Variants in FAM168B observed in about 807,000 individuals in gnomAD.
The protein encoded by FAM168B is family with sequence similarity 168 member B.
In FAM168B, 19 loss-of-function variants were observed where a neutral mutation model predicts 21.8. The ratio of observed to expected loss-of-function variants is 0.87; its 90% CI spans 0.61 to 1.28. FAM168B has a LOEUF of 1.28. FAM168B is among the 50% of genes most tolerant of loss of function. The pLI is 0.00. For synonymous variants in FAM168B, 126 were observed against 104.8 expected, an observed-to-expected ratio of 1.20 and a Z score of -1.24; for missense variants, 233 against 263.1, an observed-to-expected ratio of 0.89 and a Z score of 0.79.
intron 1 of FAM168B, among the ~76,000 whole-genome samples, chr2:131,084,498 C>T (rs1573817557): frequency 6.6e-6 from 1 of 152,076 alleles, no homozygotes; most frequent in East Asian, 1.9e-4. Context: ...CCATGCCACT[C>T]TAGTTTCCTG....
intron 3 of FAM168B, among the ~76,000 whole-genome samples, chr2:131,066,981 G>A (rs1692594457): frequency 6.6e-6 from 1 of 152,202 alleles, no homozygotes; most frequent in African/African-American, 2.4e-5. Flanking sequence ...GGCAAAGGAA[G>A]AGCAAACGTG....
chr2:131,085,755 T>C (rs1048642988), intron 1 of FAM168B, among the ~76,000 whole-genome samples: 10 of 152,172 alleles, frequency 6.6e-5, no homozygotes, highest in Admixed American at 3.3e-4. Context: ...GCCAGATTTG[T>C]CATGCCATTC....
chr2:131,086,012 A>C (rs1172246236), intron 1 of FAM168B, among the ~76,000 whole-genome samples: 1 of 152,190 alleles, frequency 6.6e-6, no homozygotes, highest in African/African-American at 2.4e-5. Context: ...AGTTCAGAGT[A>C]GGGAGGAAAC....
At chr2:131,072,283 C>G (rs895739939) in intron 2 of FAM168B, among the ~76,000 whole-genome samples, 7 of 151,544 alleles carry the variant, frequency 4.6e-5, no homozygotes, top group African/African-American at 1.7e-4. Flanking sequence ...GTCACCACAC[C>G]TGGCTAATTT....
intron 2 of FAM168B, among the ~76,000 whole-genome samples, chr2:131,073,009 A>G (rs1692950365): frequency 1.3e-5 from 2 of 152,158 alleles, no homozygotes; most frequent in South Asian, 2.1e-4. Context: ...CCTACATTAC[A>G]TATTTTGACT....
At chr2:131,059,107 A>AAG (rs2105475239) in intron 3 of FAM168B, among the ~76,000 whole-genome samples, 1 of 152,306 alleles carries the variant, frequency 6.6e-6, no homozygotes, top group East Asian at 1.9e-4. Context: ...GGGGCATTGT[A>AAG]CCAACACAGA....
At chr2:131,057,297 G>A (rs536624573) in intron 3 of FAM168B, among the ~76,000 whole-genome samples, 3 of 152,158 alleles carry the variant, frequency 2.0e-5, no homozygotes, top group Non-Finnish European at 4.4e-5. Context: ...ATCAACTGGA[G>A]AAAGGATAAA....
In FAM168B at chr2:131,049,849, A is replaced by G; in HGVS notation, c.*2616T>C. 2 of 985,824 alleles carry G rather than the reference A, an allele frequency of 2.0e-6. No homozygotes were observed. The highest frequency in any genetic ancestry group is 2.4e-6 in the Non-Finnish European group (2 of 829,928). 61.1% of individuals were successfully genotyped at this position (985,824 alleles called of 1,614,324 possible). On this transcript the variant is annotated 3_prime_UTR_variant, in exon 7 of 7. Coordinates refer to ENST00000389915, the MANE Select transcript of FAM168B (RefSeq NM_001009993.4). ...AAGCTTTGTAACAGAATTTTGACCC[A>G]AGTTCTATTTCTTAATTGACTTTAA...
intron 1 of FAM168B, among the ~76,000 whole-genome samples, chr2:131,088,575 G>A (rs1359788019): frequency 6.6e-6 from 1 of 152,166 alleles, no homozygotes; most frequent in Non-Finnish European, 1.5e-5. Flanking sequence ...CTGGGTATCA[G>A]CTGGTATGAA....
intron 3 of FAM168B, among the ~76,000 whole-genome samples, chr2:131,062,646 CTA>C (rs1692362260): frequency 6.6e-6 from 1 of 152,164 alleles, no homozygotes; most frequent in African/African-American, 2.4e-5. Context: ...CTGGATTCAC[CTA>C]TGTTGGCCAG....
intron 2 of FAM168B, among the ~76,000 whole-genome samples, chr2:131,077,957 A>G (rs1693243291): frequency 1.3e-5 from 2 of 152,216 alleles, no homozygotes; most frequent in South Asian, 4.1e-4. Context: ...GCGCTCCAGA[A>G]TAAGGGCAGA....
intron 2 of FAM168B, among the ~76,000 whole-genome samples, chr2:131,080,063 G>C (rs1024118818): frequency 7.2e-5 from 11 of 151,810 alleles, no homozygotes. Flanking sequence ...GTTGCAGTGA[G>C]CCAAGATCAC....
chr2:131,052,933 G>T lies in FAM168B; in HGVS notation c.558C>A (p.Pro186=), dbSNP rs1330840420. The T allele has an allele frequency of 2.6e-6, 4 of 1,562,940 alleles. No homozygotes were observed. Among genetic ancestry groups the T allele is most frequent in the Non-Finnish European group, 8.7e-7 (1 of 1,152,794 alleles). ...TVPTYRAPGT[P]TYSYVPPQW is the part of the protein sequence containing the mutation. Reference sequence around the variant, plus strand: ...ACTGAGGGGGCACATAGCTGTAAGTGGGCGTTCCTGGGGCCCGGTACGTGG... The same window carrying T: ...ACTGAGGGGGCACATAGCTGTAAGTTGGCGTTCCTGGGGCCCGGTACGTGG... Residue 186 remains proline (P), a synonymous_variant, in exon 6 of 7, where the codon CCC becomes CCA. Transcript: ENST00000389915.
chr2:131,080,770 C>T (rs1028413633), intron 2 of FAM168B, among the ~76,000 whole-genome samples: 2 of 151,510 alleles, frequency 1.3e-5, no homozygotes, highest in Admixed American at 1.3e-4. Context: ...CCCGGGTTCA[C>T]GCCATTCTCC....
Position 131,082,574 on chromosome 2 carries a change from T to C in FAM168B, c.70+3A>G, listed in dbSNP as rs750192711. The C allele has an allele frequency of 1.9e-6, 3 of 1,598,724 alleles. No individual in the cohort carries two copies. The highest frequency in any genetic ancestry group is 1.7e-4 in the Middle Eastern group (1 of 5,994). ...AAATGAAAACAAAATTTTACTTACT[T>C]ACCTGGATAACCAATTCCTTTGGCA... On this transcript the variant is annotated splice_donor_region_variant and intron_variant, in intron 2 of 6. Transcript: ENST00000389915.
chr2:131,065,012 G>T (rs984048897), intron 3 of FAM168B, among the ~76,000 whole-genome samples: 1 of 152,228 alleles, frequency 6.6e-6, no homozygotes, highest in South Asian at 2.1e-4. Context: ...CAGGGCACAG[G>T]ACAACAGGAT....
intron 3 of FAM168B, among the ~76,000 whole-genome samples, chr2:131,064,802 TAAGA>T (rs1040771638): frequency 1.8e-4 from 28 of 151,966 alleles, no homozygotes; most frequent in African/African-American, 6.8e-4. Flanking sequence ...CCAGTCCAGA[TAAGA>T]GAGAGGAAGG....
intron 1 of FAM168B, among the ~76,000 whole-genome samples, chr2:131,090,720 T>G (rs1336582278): frequency 6.6e-6 from 1 of 152,080 alleles, no homozygotes; most frequent in Non-Finnish European, 1.5e-5. Flanking sequence ...AACATATATA[T>G]GTATAATATA....
chr2:131,063,369 T>C (rs1210970879), intron 3 of FAM168B, among the ~76,000 whole-genome samples: 1 of 152,244 alleles, frequency 6.6e-6, no homozygotes, highest in Non-Finnish European at 1.5e-5. Context: ...TACGTTCTAA[T>C]GCTCACCAGA....
Sources: allele counts gnomAD v4.1 joint callset (sites outside exome capture counted in the v4.1 genomes callset), GRCh38; gene constraint gnomAD v4.1.1; transcripts MANE v1.5; gene names NCBI Gene and HGNC (gene_info 2026-07-23, HGNC 2026-07-21).